ZDHHC17: variants seen among roughly 807,000 people sequenced by gnomAD.
ZDHHC17 encodes the protein zDHHC palmitoyltransferase 17.
A neutral mutation model predicts 90.3 loss-of-function variants in ZDHHC17; 40 were observed. The ratio of observed to expected loss-of-function variants is 0.44; its 90% confidence interval spans 0.34 to 0.58. ZDHHC17 has a LOEUF of 0.58. Ranked by LOEUF, ZDHHC17 falls within the 20% of genes least tolerant of loss-of-function variation. The probability of loss-of-function intolerance (pLI) is 0.01; values close to 1 mark genes in which losing one functional copy is unlikely to be tolerated. For synonymous variants in ZDHHC17, 235 were observed against 252.4 expected (o/e 0.93, Z 0.65); for missense variants, 614 against 780.8 (o/e 0.79, Z 2.55).
At chr12:76,779,592 A>G (rs903153082) in intron 1 of ZDHHC17, among the ~76,000 whole-genome samples, 3 of 152,178 alleles carry the variant, frequency 2.0e-5, no homozygotes. Flanking sequence ...GGGAACTACA[A>G]TTCGAGATGA....
rs750376930 is a variant in ZDHHC17, at chr12:76,764,620, G to T, written c.93+291G>T. On this transcript the variant is annotated intron_variant, in intron 1 of 16. Coordinates refer to ENST00000426126, the MANE Select transcript of ZDHHC17 (RefSeq NM_015336.4). Reference sequence around the variant, plus strand: ...TGTCGCCGCGCTGCGTTTGAGAGCAGAGGCGGAGGGGCCTGGTGTGGTTTT... The same window carrying T: ...TGTCGCCGCGCTGCGTTTGAGAGCATAGGCGGAGGGGCCTGGTGTGGTTTT... 204 of 535,318 alleles carry T rather than the reference G, an allele frequency of 3.8e-4. 1 individual carries two copies. Among genetic ancestry groups the T allele is most frequent in the Middle Eastern group, 9.3e-4 (2 of 2,148 alleles). The allele number at this position is 535,318 out of a possible 1,614,324, so 33.2% of individuals were successfully genotyped here.
intron 3 of ZDHHC17, among the ~76,000 whole-genome samples, chr12:76,806,497 G>A (rs1255078960): frequency 6.6e-6 from 1 of 152,050 alleles, no homozygotes; most frequent in African/African-American, 2.4e-5. Flanking sequence ...ATATAGGCCT[G>A]CGCCTATATA....
intron 9 of ZDHHC17, among the ~76,000 whole-genome samples, chr12:76,828,003 A>G (rs1953250046): frequency 6.6e-6 from 1 of 152,146 alleles, no homozygotes; most frequent in Non-Finnish European, 1.5e-5. Context: ...ATGATGAAAC[A>G]GAGAAAAATG....
intron 1 of ZDHHC17, among the ~76,000 whole-genome samples, chr12:76,794,204 A>G (rs969581347): frequency 6.6e-6 from 1 of 152,180 alleles, no homozygotes; most frequent in Non-Finnish European, 1.5e-5. Context: ...GATTTTAAAG[A>G]GTTTAATGAA....
chr12:76,838,793 G>A (rs1301627527), intron 10 of ZDHHC17, among the ~76,000 whole-genome samples: 1 of 152,150 alleles, frequency 6.6e-6, no homozygotes, highest in African/African-American at 2.4e-5. Context: ...TTCTTGACTT[G>A]TTCAAATTAT....
chr12:76,766,270 A>G (rs1400646425), intron 1 of ZDHHC17, among the ~76,000 whole-genome samples: 1 of 152,172 alleles, frequency 6.6e-6, no homozygotes, highest in African/African-American at 2.4e-5. Context: ...AAGAAGCACA[A>G]GGTCTGATTA....
intron 3 of ZDHHC17, among the ~76,000 whole-genome samples, chr12:76,808,603 C>G (rs922467952): frequency 6.6e-6 from 1 of 152,086 alleles, no homozygotes; most frequent in East Asian, 1.9e-4. Flanking sequence ...TAGTAAAGAA[C>G]CTTTATGTTA....
chr12:76,793,200 A>AAATAATG (rs1952779904), intron 1 of ZDHHC17, among the ~76,000 whole-genome samples: 1 of 152,240 alleles, frequency 6.6e-6, no homozygotes, highest in Admixed American at 6.5e-5. Context: ...CCAGTATCTA[A>AAATAATG]AAACAAATAA....
chr12:76,815,236 T>G, intron 6 of ZDHHC17, 26 bp downstream of exon 6: 1 of 1,479,602 alleles, frequency 6.8e-7, no homozygotes, highest in Non-Finnish European at 9.2e-7. Flanking sequence ...AAAAAACTTA[T>G]TTAGGCCATT....
chr12:76,821,118 C>T, intron 7 of ZDHHC17: 1 of 1,287,800 alleles, frequency 7.8e-7, no homozygotes, highest in Non-Finnish European at 1.0e-6. Flanking sequence ...ACCGAGGCAA[C>T]TGCAGGATAT....
At chr12:76,787,269 G>T (rs1464165496) in intron 1 of ZDHHC17, among the ~76,000 whole-genome samples, 1 of 152,116 alleles carries the variant, frequency 6.6e-6, no homozygotes, top group Non-Finnish European at 1.5e-5. Context: ...TCAACTAGGA[G>T]ATACATAAAA....
chr12:76,779,439 A>G (rs1231611006), intron 1 of ZDHHC17, among the ~76,000 whole-genome samples: 2 of 152,160 alleles, frequency 1.3e-5, no homozygotes. Context: ...GTGATAGGCA[A>G]GAAAGTGTGT....
At chr12:76,845,648 T>G (rs977435966) in intron 12 of ZDHHC17, 61 bp from the exon 13 acceptor site, 2 of 593,306 alleles carry the variant, frequency 3.4e-6, no homozygotes, top group Non-Finnish European at 5.6e-6. Context: ...AGAAAATAAA[T>G]AGTCAGCTTT....
At chr12:76,807,611 G>T (rs965969159) in intron 3 of ZDHHC17, among the ~76,000 whole-genome samples, 1 of 152,142 alleles carries the variant, frequency 6.6e-6, no homozygotes, top group Non-Finnish European at 1.5e-5. Flanking sequence ...AAAAGTAATA[G>T]AAGTTATTCT....
At chr12:76,823,415 T>A (rs1953189753) in intron 8 of ZDHHC17, among the ~76,000 whole-genome samples, 1 of 152,254 alleles carries the variant, frequency 6.6e-6, no homozygotes, top group East Asian at 1.9e-4. Context: ...CCTGATTATA[T>A]GATACTAAAA....
Position 76,764,280 on chromosome 12 carries a change from C to G in ZDHHC17, c.44C>G (p.Pro15Arg), listed in dbSNP as rs868611719. Residue 15 changes from proline to arginine, a missense_variant, in exon 1 of 17, where the codon CCG becomes CGG. Transcript: ENST00000426126. Reference protein sequence around the residue: ...EGFNTKMADGPDEYDTEAGCV... With the variant: ...EGFNTKMADGRDEYDTEAGCV... ...TTTAACACCAAGATGGCGGACGGCC[C>G]GGATGAGTACGATACCGAAGCGGGC... 2.5e-6 allele frequency: 4 copies of G among 1,607,254 alleles called. No homozygotes were observed. The highest frequency in any genetic ancestry group is 2.5e-6 in the Non-Finnish European group (3 of 1,177,050).
intron 5 of ZDHHC17, chr12:76,813,257 T>C (rs576991179): frequency 1.0e-5 from 4 of 394,394 alleles, no homozygotes; most frequent in East Asian, 1.6e-4. Context: ...ACTTCTCATA[T>C]AAGAAATAAG....
intron 16 of ZDHHC17, among the ~76,000 whole-genome samples, chr12:76,849,838 C>T (rs1455545078): frequency 1.3e-5 from 2 of 152,132 alleles, no homozygotes; most frequent in African/African-American, 2.4e-5. Context: ...GCAAGCAGAC[C>T]TTTAAATAAA....
chr12:76,814,701 T>A (rs993164587), intron 5 of ZDHHC17, among the ~76,000 whole-genome samples: 1 of 151,958 alleles, frequency 6.6e-6, no homozygotes, highest in African/African-American at 2.4e-5. Flanking sequence ...CATTTAACTC[T>A]AAAAATGTAC....
Sources: allele counts gnomAD v4.1 joint callset (sites outside exome capture counted in the v4.1 genomes callset), GRCh38; gene constraint gnomAD v4.1.1; transcripts MANE v1.5; gene names NCBI Gene and HGNC (gene_info 2026-07-23, HGNC 2026-07-21).